SH3RF3: variants seen among roughly 807,000 people sequenced by gnomAD.
SH3RF3 encodes the protein SH3 domain containing ring finger 3.
A neutral mutation model predicts 66.3 loss-of-function variants in SH3RF3; 29 were observed. The observed-to-expected ratio is 0.44, with a 90% CI of 0.33 to 0.60. SH3RF3 has a LOEUF of 0.60. Ranked by LOEUF, SH3RF3 falls within the 20% of genes least tolerant of loss-of-function variation. The pLI, the probability that SH3RF3 is intolerant of heterozygous loss-of-function variation, is 0.04. For missense variants in SH3RF3, 1,194 were observed against 1,190.9 expected (o/e 1.00, Z -0.04); for synonymous variants, 583 against 532.0 (o/e 1.10, Z -1.32).
At chr2:109,286,163 A>G (rs1391453015) in intron 1 of SH3RF3, among the ~76,000 whole-genome samples, 1 of 152,182 alleles carries the variant, frequency 6.6e-6, no homozygotes, top group African/African-American at 2.4e-5. Context: ...AAGTCACTTT[A>G]TTCAAGGATT....
chr2:109,451,012 C>T (rs1288558907), intron 8 of SH3RF3, among the ~76,000 whole-genome samples: 1 of 152,258 alleles, frequency 6.6e-6, no homozygotes, highest in Admixed American at 6.5e-5. Flanking sequence ...ACCCTGGAGG[C>T]AGGCCCTGCT....
intron 8 of SH3RF3, among the ~76,000 whole-genome samples, chr2:109,465,726 A>G (rs559589547): frequency 1.3e-5 from 2 of 152,292 alleles, no homozygotes; most frequent in East Asian, 1.9e-4. Flanking sequence ...GAAGCTTCCA[A>G]TCATGGCGGA....
At chr2:109,255,869 C>G (rs940153110) in intron 1 of SH3RF3, among the ~76,000 whole-genome samples, 5 of 152,174 alleles carry the variant, frequency 3.3e-5, no homozygotes, top group Admixed American at 1.3e-4. Flanking sequence ...AATTAGTTTT[C>G]CTTTTTGCCC....
chr2:109,422,704 G>C (rs1676915074), intron 5 of SH3RF3, among the ~76,000 whole-genome samples: 1 of 152,186 alleles, frequency 6.6e-6, no homozygotes, highest in Non-Finnish European at 1.5e-5. Context: ...CATGCTCCTG[G>C]GCACAGCCAA....
At chr2:109,278,133 T>C (rs1430077073) in intron 1 of SH3RF3, among the ~76,000 whole-genome samples, 1 of 151,552 alleles carries the variant, frequency 6.6e-6, no homozygotes. Flanking sequence ...GCCATGATTG[T>C]GCCACTGCAG....
chr2:109,132,108 A>G (rs773953695), intron 1 of SH3RF3, among the ~76,000 whole-genome samples: 5 of 152,176 alleles, frequency 3.3e-5, no homozygotes, highest in Non-Finnish European at 7.3e-5. Flanking sequence ...GGAAAGTTGA[A>G]TGCTGGATGT....
intron 1 of SH3RF3, among the ~76,000 whole-genome samples, chr2:109,328,965 T>C (rs1395644342): frequency 6.6e-6 from 1 of 152,206 alleles, no homozygotes; most frequent in East Asian, 1.9e-4. Context: ...CTTGGCCACG[T>C]CCTTCCTCCC....
At chr2:109,223,093 A>AT (rs1679292227) in intron 1 of SH3RF3, among the ~76,000 whole-genome samples, 1 of 152,188 alleles carries the variant, frequency 6.6e-6, no homozygotes, top group Non-Finnish European at 1.5e-5. Flanking sequence ...ATGCTTCTCC[A>AT]TCCCAGACAG....
intron 1 of SH3RF3, among the ~76,000 whole-genome samples, chr2:109,252,499 C>G (rs561596509): frequency 6.6e-6 from 1 of 152,236 alleles, no homozygotes; most frequent in African/African-American, 2.4e-5. Flanking sequence ...TCCTGGTGTT[C>G]CTGGGACTGA....
chr2:109,383,577 G>A (rs1019717173), intron 3 of SH3RF3, among the ~76,000 whole-genome samples: 5 of 152,066 alleles, frequency 3.3e-5, no homozygotes, highest in African/African-American at 9.7e-5. Flanking sequence ...TTTAAGATTC[G>A]GGTCCGGGAA....
chr2:109,168,690 T>A (rs1677687256), intron 1 of SH3RF3, among the ~76,000 whole-genome samples: 1 of 152,106 alleles, frequency 6.6e-6, no homozygotes, highest in Non-Finnish European at 1.5e-5. Context: ...AGTTCCCTTC[T>A]CTTGGGTCTG....
chr2:109,304,226 A>T (rs1420560367), intron 1 of SH3RF3, among the ~76,000 whole-genome samples: 1 of 152,168 alleles, frequency 6.6e-6, no homozygotes, highest in Non-Finnish European at 1.5e-5. Context: ...ACTAAACTAT[A>T]GTCTTGGACC....
chr2:109,384,932 G>T (rs911653781), intron 3 of SH3RF3, among the ~76,000 whole-genome samples: 11 of 152,190 alleles, frequency 7.2e-5, no homozygotes, highest in Admixed American at 2.0e-4. Flanking sequence ...CTTCACTATT[G>T]CTTAAAGCCA....
At chr2:109,418,670 C>G (rs1318626665) in intron 4 of SH3RF3, among the ~76,000 whole-genome samples, 2 of 152,166 alleles carry the variant, frequency 1.3e-5, no homozygotes, top group Non-Finnish European at 2.9e-5. Flanking sequence ...TGCAAAGACC[C>G]CTATTCCAGA....
intron 1 of SH3RF3, among the ~76,000 whole-genome samples, chr2:109,203,460 C>CT (rs1244220931): frequency 6.6e-6 from 1 of 152,216 alleles, no homozygotes; most frequent in Non-Finnish European, 1.5e-5. Context: ...ATGACATATT[C>CT]TTTAAGTCGC....
chr2:109,163,350 C>T (rs1017639127), intron 1 of SH3RF3, among the ~76,000 whole-genome samples: 2 of 141,090 alleles, frequency 1.4e-5, no homozygotes, highest in South Asian at 2.4e-4. Context: ...CATCAAAGGG[C>T]GGACTGGAGT....
chr2:109,288,047 C>T lies in SH3RF3; in HGVS notation c.574-59627C>T, dbSNP rs571495995. ...GGCTGACTGCCACCAGCAGGTTGAG[C>T]TGTCCCATTGTCACATCACTAGCCT... On this transcript the variant is annotated intron_variant, in intron 1 of 9. Transcript: ENST00000309415. 3.3e-5 allele frequency among the ~76,000 whole-genome samples: 5 copies of T among 152,330 alleles called. No homozygotes were observed. In the East Asian group the frequency reaches 9.7e-4, roughly 29 times the overall value.
chr2:109,186,659 AC>A (rs1208106392), intron 1 of SH3RF3, among the ~76,000 whole-genome samples: 1 of 152,176 alleles, frequency 6.6e-6, no homozygotes, highest in African/African-American at 2.4e-5. Flanking sequence ...CCCTAGGAAG[AC>A]CCTGCGGGAA....
chr2:109,279,617 C>T (rs1447949725), intron 1 of SH3RF3, among the ~76,000 whole-genome samples: 1 of 152,214 alleles, frequency 6.6e-6, no homozygotes, highest in Non-Finnish European at 1.5e-5. Flanking sequence ...CCTTTCTTCC[C>T]CACCCCTTCA....
Sources: allele counts gnomAD v4.1 joint callset (sites outside exome capture counted in the v4.1 genomes callset), GRCh38; gene constraint gnomAD v4.1.1; transcripts MANE v1.5; gene names NCBI Gene and HGNC (gene_info 2026-07-23, HGNC 2026-07-21).